ERG: variants seen among roughly 807,000 people sequenced by gnomAD.
ERG encodes the protein ETS transcription factor ERG.
A neutral mutation model predicts 55.3 loss-of-function variants in ERG; 9 were observed. The ratio of observed to expected loss-of-function variants is 0.16; its 90% confidence interval spans 0.10 to 0.28. ERG has a LOEUF of 0.28. ERG is among the 10% of genes least tolerant of loss of function. The pLI is 1.00. For missense variants in ERG, 434 were observed against 631.6 expected (o/e 0.69, Z 3.35); for synonymous variants, 223 against 237.3 (o/e 0.94, Z 0.55).
chr21:38,455,978 T>C (rs779909088), intron 1 of ERG, among the ~76,000 whole-genome samples: 1 of 151,792 alleles, frequency 6.6e-6, no homozygotes, highest in Non-Finnish European at 1.5e-5. Context: ...CCACTGGCCA[T>C]GGGGCTCCAC....
At chr21:38,641,294 C>T (rs1234405335) in intron 1 of ERG, among the ~76,000 whole-genome samples, 1 of 152,206 alleles carries the variant, frequency 6.6e-6, no homozygotes, top group Non-Finnish European at 1.5e-5. Flanking sequence ...TTCACCCCTT[C>T]TACCATTTGA....
At chr21:38,570,439 C>A (rs529804897) in intron 2 of ERG, among the ~76,000 whole-genome samples, 2 of 152,142 alleles carry the variant, frequency 1.3e-5, no homozygotes, top group Non-Finnish European at 2.9e-5. Flanking sequence ...ATTTTTCACT[C>A]CACTCAGTGT....
intron 1 of ERG, among the ~76,000 whole-genome samples, chr21:38,483,366 C>G (rs1348143793): frequency 6.6e-6 from 1 of 152,176 alleles, no homozygotes; most frequent in Non-Finnish European, 1.5e-5. Context: ...AGAACCTTAT[C>G]ACCATCTTCA....
chr21:38,420,161 C>T (rs886240480), intron 3 of ERG, among the ~76,000 whole-genome samples: 6 of 152,210 alleles, frequency 3.9e-5, no homozygotes, highest in South Asian at 2.1e-4. Context: ...TGGGGTACTC[C>T]GTGCCCCAAA....
intron 1 of ERG, among the ~76,000 whole-genome samples, chr21:38,603,030 G>A (rs1040135607): frequency 6.6e-6 from 1 of 151,742 alleles, no homozygotes; most frequent in African/African-American, 2.4e-5. Context: ...TTTCAAGCAG[G>A]AGCACAGGCA....
chr21:38,485,593 G>A (rs1174337929), intron 1 of ERG, among the ~76,000 whole-genome samples: 1 of 151,582 alleles, frequency 6.6e-6, no homozygotes, highest in Non-Finnish European at 1.5e-5. Context: ...CCAAGTAGCT[G>A]GGATTACAGG....
intron 1 of ERG, among the ~76,000 whole-genome samples, chr21:38,476,784 G>A (rs550907036): frequency 6.6e-6 from 1 of 152,210 alleles, no homozygotes; most frequent in South Asian, 2.1e-4. Flanking sequence ...CAACAACAAC[G>A]TTTAGGGGGA....
rs2298334 is a variant in ERG at position 38,400,908 on chromosome 21, C to T, written c.674-263G>A. On this transcript the variant is annotated intron_variant, in intron 5 of 9. Coordinates refer to ENST00000288319, the MANE Select transcript of ERG (RefSeq NM_182918.4). ...GATTTTATAACTTCTTGATGAAGCC[C>T]TATCTGTGTCCCCCTCAATCCCACT... 6.7e-4 allele frequency among the ~76,000 whole-genome samples: 102 copies of T among 152,150 alleles called. No homozygotes were observed. The East Asian group carries it at 0.016, about 24-fold the overall frequency.
At chr21:38,531,252 T>C (rs2059670372) in intron 2 of ERG, among the ~76,000 whole-genome samples, 1 of 152,226 alleles carries the variant, frequency 6.6e-6, no homozygotes, top group African/African-American at 2.4e-5. Context: ...ATTGGAATAA[T>C]CAGAAACAGC....
chr21:38,392,420 C>A lies in ERG; in HGVS notation c.770G>T (p.Arg257Ile). 1 of 1,561,636 alleles carries A rather than the reference C, an allele frequency of 6.4e-7. No individual in the cohort carries two copies. The highest frequency in any genetic ancestry group is 8.7e-7 in the Non-Finnish European group (1 of 1,151,944). The change falls in exon 7 of 10, where the codon AGA (arginine) becomes ATA (isoleucine). Residue 257 changes from arginine to isoleucine, a missense_variant. Around this residue, in one of 5 missense-constraint regions of ERG, gnomAD observed 99 missense variants for 145.6 expected, o/e 0.68. Coordinates refer to ENST00000288319, the MANE Select transcript of ERG (RefSeq NM_182918.4). ...RPDLPYEPPR[R>I]SAWTGHGHPT... is the part of the protein sequence containing the mutation. ...GTGGCCGTGACCGGTCCAGGCTGAT[C>A]TCCTGGGGGGCTCATATGGTAAATC... is the stretch of plus-strand genomic sequence containing the variant.
chr21:38,488,627 A>C (rs939587776), intron 1 of ERG, among the ~76,000 whole-genome samples: 1 of 152,200 alleles, frequency 6.6e-6, no homozygotes, highest in African/African-American at 2.4e-5. Flanking sequence ...CTGTGAGCTG[A>C]TATTTTTTGT....
At chr21:38,596,867 C>T (rs375855312) in intron 1 of ERG, among the ~76,000 whole-genome samples, 1 of 152,092 alleles carries the variant, frequency 6.6e-6, no homozygotes, top group Non-Finnish European at 1.5e-5. Flanking sequence ...ATGGGGTGGA[C>T]CAACACCAGG....
At chr21:38,624,453 A>G (rs888343251) in intron 1 of ERG, among the ~76,000 whole-genome samples, 2 of 152,170 alleles carry the variant, frequency 1.3e-5, no homozygotes, top group Admixed American at 1.3e-4. Flanking sequence ...CAGAACTTAA[A>G]GTAAAACAAA....
intron 2 of ERG, among the ~76,000 whole-genome samples, chr21:38,439,463 A>G (rs1221923703): frequency 6.6e-6 from 1 of 152,222 alleles, no homozygotes; most frequent in African/African-American, 2.4e-5. Context: ...TGGATGGCAC[A>G]GGAAAACAGC....
chr21:38,623,234 C>T (rs1296038984), intron 1 of ERG, among the ~76,000 whole-genome samples: 1 of 150,144 alleles, frequency 6.7e-6, no homozygotes, highest in Non-Finnish European at 1.5e-5. Flanking sequence ...CACACAGACA[C>T]CATGCATACA....
At chr21:38,423,363 G>A in intron 3 of ERG, 47 bp downstream of exon 3, 1 of 1,576,816 alleles carries the variant, frequency 6.3e-7, no homozygotes, top group South Asian at 1.2e-5. Flanking sequence ...GCCTAGCCTT[G>A]GGGAAGTTGC....
chr21:38,436,897 CTCTT>C (rs1350718204), intron 2 of ERG, among the ~76,000 whole-genome samples: 2 of 99,900 alleles, frequency 2.0e-5, no homozygotes, highest in Non-Finnish European at 4.2e-5. Flanking sequence ...TTTTCTTTCT[CTCTT>C]TTTTTTTTTT....
At chr21:38,658,045 T>C (rs1026505257) in intron 1 of ERG, among the ~76,000 whole-genome samples, 1 of 152,112 alleles carries the variant, frequency 6.6e-6, no homozygotes, top group African/African-American at 2.4e-5. Context: ...ATTCAAGGTG[T>C]AGAACATTAA....
chr21:38,569,124 T>C (rs1176630627), intron 2 of ERG, among the ~76,000 whole-genome samples: 2 of 152,202 alleles, frequency 1.3e-5, no homozygotes, highest in Admixed American at 6.5e-5. Context: ...AGGTGACCCA[T>C]GCCCTGAGTG....
Sources: gnomAD v4.1 joint callset for allele counts (sites outside exome capture counted in the v4.1 genomes callset) on GRCh38, gnomAD v4.1.1 for gene constraint, gnomAD v4.1.1 regional missense constraint, MANE v1.5 for transcripts, NCBI Gene and HGNC (gene_info 2026-07-23, HGNC 2026-07-21) for gene names.